The following MATN3 variants were observed in gnomAD, a reference collection of about 807,000 sequenced individuals.
MATN3 encodes the protein matrilin-3.
Under a neutral mutation model 45.3 loss-of-function variants are expected in MATN3, and 48 were observed. The ratio of observed to expected loss-of-function variants is 1.06; its 90% CI spans 0.84 to 1.35. The LOEUF (loss-of-function observed/expected upper bound fraction) is 1.35, where lower values mean the gene tolerates loss of function less well. Among genes scored for constraint, MATN3 ranks in the 40% most tolerant of loss-of-function variants. The probability of loss-of-function intolerance (pLI) is 0.00; values close to 1 mark genes in which losing one functional copy is unlikely to be tolerated. For missense variants in MATN3, 599 were observed against 628.0 expected, an observed-to-expected ratio of 0.95 and a Z score of 0.49; for synonymous variants, 217 against 245.9, an observed-to-expected ratio of 0.88 and a Z score of 1.10.
chr2:20,000,606 G>GA (rs1672966255), intron 4 of MATN3, 40 bp from the exon 5 acceptor site: 4 of 1,586,450 alleles, frequency 2.5e-6, no homozygotes, highest in Admixed American at 3.7e-5. Context: ...ATAGAAGGTG[G>GA]AAAAGTATTT....
rs1332454130 is a variant in MATN3, at chr2:19,993,173, AGTT to A, written c.1406-10_1406-8del. ...TTCTCCAAAATGTCATCAAGTGGCA[AGTT>A]GTTAAGGCCAACACCATTTATTTTT... On this transcript the variant is annotated splice_region_variant and splice_polypyrimidine_tract_variant and intron_variant, in intron 7 of 7. Coordinates refer to ENST00000407540, the MANE Select transcript of MATN3 (RefSeq NM_002381.5). The A allele has an allele frequency of 1.4e-5, 23 of 1,603,106 alleles. No individual in the cohort carries two copies. The Admixed American group carries it at 1.8e-4, about 13-fold the overall frequency.
intron 6 of MATN3, among the ~76,000 whole-genome samples, chr2:19,994,787 G>A (rs910777696): frequency 3.3e-5 from 5 of 152,174 alleles, no homozygotes; most frequent in Non-Finnish European, 7.3e-5. Context: ...GTAATACTGT[G>A]TAATTAAGAA....
chr2:19,993,451 T>C (rs957009606), intron 7 of MATN3, among the ~76,000 whole-genome samples: 7 of 152,174 alleles, frequency 4.6e-5, no homozygotes, highest in Non-Finnish European at 8.8e-5. Flanking sequence ...GCAGTGTTTA[T>C]GAAGTATTGA....
In MATN3 at chr2:20,002,089, A is replaced by C. The variant is rs758119575; in HGVS notation, c.917-9T>G. ...AGCACACCTATCAAGAGCTATCAAA[A>C]GATGATTGGGACAAATGTAAATGCA... is the stretch of plus-strand genomic sequence containing the variant. On this transcript the variant is annotated splice_polypyrimidine_tract_variant and intron_variant, in intron 3 of 7. Transcript: ENST00000407540. 1 of 1,610,862 alleles carries C rather than the reference A, an allele frequency of 6.2e-7. No individual in the cohort carries two copies. Among genetic ancestry groups the C allele is most frequent in the Middle Eastern group, 1.7e-4 (1 of 5,804 alleles).
intron 1 of MATN3, among the ~76,000 whole-genome samples, chr2:20,007,523 T>A (rs1226911939): frequency 1.3e-5 from 2 of 151,544 alleles, no homozygotes; most frequent in Admixed American, 6.6e-5. Flanking sequence ...GAGCAAGACA[T>A]CATCTCAAAA....
chr2:20,000,689 C>A (rs1177858942), intron 4 of MATN3, 123 bp from the exon 5 acceptor site: 2 of 913,482 alleles, frequency 2.2e-6, no homozygotes, highest in Non-Finnish European at 1.6e-6. Context: ...TATTCAAAGC[C>A]ATTGGCACTG....
intron 7 of MATN3, among the ~76,000 whole-genome samples, chr2:19,993,947 A>C (rs1672808535): frequency 6.6e-6 from 1 of 152,194 alleles, no homozygotes; most frequent in African/African-American, 2.4e-5. Flanking sequence ...CCCATTAATC[A>C]GCTGACTTGC....
chr2:20,005,484 C>T (rs1350552726), intron 2 of MATN3, among the ~76,000 whole-genome samples: 2 of 152,154 alleles, frequency 1.3e-5, no homozygotes, highest in East Asian at 3.8e-4. Flanking sequence ...TGCAGACCTT[C>T]ACAGTTCTAA....
At chr2:20,002,578 T>C (rs1391738105) in intron 3 of MATN3, among the ~76,000 whole-genome samples, 2 of 152,118 alleles carry the variant, frequency 1.3e-5, no homozygotes, top group African/African-American at 4.8e-5. Context: ...GCTAAGAATC[T>C]TGGACCCGTT....
At chr2:20,003,311 CAGCACTGACACT>C (rs781740296) in intron 2 of MATN3, 25 bp from the exon 3 acceptor site, 6 of 1,583,178 alleles carry the variant, frequency 3.8e-6, no homozygotes, top group Non-Finnish European at 5.2e-6. Flanking sequence ...TTACAACAGT[CAGCACTGACACT>C]TAGGAAACAT....
At chr2:20,009,133 G>A (rs1673168906) in intron 1 of MATN3, among the ~76,000 whole-genome samples, 1 of 151,420 alleles carries the variant, frequency 6.6e-6, no homozygotes. Flanking sequence ...GCTGAGGCAG[G>A]AGGATCGCTT....
At position 19,994,324 on chromosome 2, in the gene MATN3, C is replaced by T. The variant is rs368657984; in HGVS notation, c.1380G>A (p.Ser460=). ...ATLAFQDKVS[S]YLQRLNTKLD... ...GTTTAGTGTTCAGTCTTTGAAGATA[C>T]GAGCTGACCTTGTCCTGGAATGCCA... The change falls in exon 7 of 8, where the codon TCG becomes TCA. Residue 460 remains serine (S), a synonymous_variant. Coordinates refer to ENST00000407540, the MANE Select transcript of MATN3 (RefSeq NM_002381.5). The T allele has an allele frequency of 3.1e-5, 50 of 1,612,974 alleles. No individual in the cohort carries two copies. Among genetic ancestry groups the T allele is most frequent in the Admixed American group, 6.7e-5 (4 of 59,954 alleles).
rs960006568 is a variant in MATN3, at chr2:20,012,385, G to A, written c.223+24C>T. The A allele has an allele frequency of 5.7e-6, 7 of 1,225,438 alleles. No individual in the cohort carries two copies. Among genetic ancestry groups the A allele is most frequent in the Non-Finnish European group, 7.1e-6 (7 of 983,448 alleles). 75.9% of individuals were successfully genotyped at this position (1,225,438 alleles called of 1,614,324 possible). ...GCTTCTCCTCGTTCGATGCTCACGC[G>A]TCCCTCCCGCCGCCCGCCTGTACCT... On this transcript the variant is annotated intron_variant, in intron 1 of 7. Transcript: ENST00000407540. The surrounding 1 kb of genome is among the most constrained non-coding windows in gnomAD (Gnocchi z 4.3).
intron 1 of MATN3, among the ~76,000 whole-genome samples, chr2:20,009,584 C>T (rs1477780821): frequency 2.0e-5 from 3 of 152,238 alleles, no homozygotes; most frequent in East Asian, 3.9e-4. Flanking sequence ...CACCAGCGCA[C>T]ATGTATCCCT....
intron 6 of MATN3, among the ~76,000 whole-genome samples, chr2:19,994,751 G>A (rs1418141609): frequency 6.6e-6 from 1 of 152,096 alleles, no homozygotes; most frequent in Non-Finnish European, 1.5e-5. Context: ...GGGAGGCCAG[G>A]GATATAGAAA....
rs931897150 is a variant in MATN3, at chr2:19,992,931, G to C, written c.*180C>G. The C allele has an allele frequency of 1.2e-5, 7 of 599,664 alleles. No homozygotes were observed. In the African/African-American group the frequency reaches 1.3e-4, roughly 11 times the overall value. The allele number at this position is 599,664 out of a possible 1,614,324, so 37.1% of individuals were successfully genotyped here. On this transcript the variant is annotated 3_prime_UTR_variant, in exon 8 of 8. Transcript: ENST00000407540. ...TAAGTATCTGCATATGTATTTCCTT[G>C]GAAGAATCATGCTGATTCTGCAGAA...
intron 1 of MATN3, 105 bp from the exon 2 acceptor site, chr2:20,006,415 AC>A: frequency 1.2e-6 from 1 of 820,816 alleles, no homozygotes; most frequent in Non-Finnish European, 1.9e-6. Context: ...GCATCTCCTG[AC>A]CCCAACATCA....
chr2:20,003,200 G>A lies in MATN3; in HGVS notation c.877C>T (p.Gln293Ter). The change falls in exon 3 of 8, where the codon CAA (glutamine) becomes TAA (stop). Residue 293 changes from glutamine (Q) to a stop codon, truncating the protein, a stop_gained. Coordinates refer to ENST00000407540, the MANE Select transcript of MATN3 (RefSeq NM_002381.5). LOFTEE classifies it high-confidence loss of function. ...TTGTCGGCATTCAAGGTGTATCCTTGGCTACACTCACAGTGGTGCTTGCCT... is the reference window on the plus strand; with the variant it reads ...TTGTCGGCATTCAAGGTGTATCCTTAGCTACACTCACAGTGGTGCTTGCCT... The part of the protein sequence containing the change: ...GEGKHHCECS[Q>*]GYTLNADKKT... The A allele has an allele frequency of 6.2e-7, 1 of 1,613,958 alleles. No homozygotes were observed. Among genetic ancestry groups the A allele is most frequent in the South Asian group, 1.1e-5 (1 of 91,084 alleles).
Position 19,993,167 on chromosome 2 carries a change from G to A in MATN3, c.1406-1C>T, listed in dbSNP as rs1489415198. 2.5e-6 allele frequency: 4 copies of A among 1,609,242 alleles called. No individual in the cohort carries two copies. The highest frequency in any genetic ancestry group is 4.5e-5 in the East Asian group (2 of 44,792). Reference sequence around the variant, plus strand: ...TTCAACTTCTCCAAAATGTCATCAAGTGGCAAGTTGTTAAGGCCAACACCA... The same window carrying A: ...TTCAACTTCTCCAAAATGTCATCAAATGGCAAGTTGTTAAGGCCAACACCA... On this transcript the variant is annotated splice_acceptor_variant, in intron 7 of 7. Coordinates refer to ENST00000407540, the MANE Select transcript of MATN3 (RefSeq NM_002381.5). LOFTEE classifies it high-confidence loss of function.
Sources: gnomAD v4.1 joint callset for allele counts (sites outside exome capture counted in the v4.1 genomes callset) on GRCh38, gnomAD v4.1.1 for gene constraint, Gnocchi (gnomAD v3.1) non-coding constraint, MANE v1.5 for transcripts, NCBI Gene and HGNC (gene_info 2026-07-23, HGNC 2026-07-21) for gene names.